Variants in EGF observed in about 807,000 individuals in gnomAD.
EGF encodes epidermal growth factor.
A neutral mutation model predicts 143.8 loss-of-function variants in EGF; 95 were observed. That is an observed-to-expected ratio of 0.66 (90% CI 0.56 to 0.78). The LOEUF is 0.78. EGF is among the 30% of genes least tolerant of loss of function. The probability of loss-of-function intolerance (pLI) is 0.00; values close to 1 mark genes in which losing one functional copy is unlikely to be tolerated. For synonymous variants in EGF, 510 were observed against 510.5 expected, an observed-to-expected ratio of 1.00 and a Z score of 0.01; for missense variants, 1,320 against 1,470.9, an observed-to-expected ratio of 0.90 and a Z score of 1.68.
chr4:110,008,196 A>G lies in EGF; in HGVS notation c.3336A>G (p.Gln1112=), dbSNP rs1013720553. ...ACCAAGACCTCAAGAATGGGGGTCA[A>G]CCAGTGGCTGGTGAGGATGGCCAGG... The part of the protein sequence containing the change: ...KEHQDLKNGG[Q]PVAGEDGQAA... The change falls in exon 23 of 24, where the codon CAA becomes CAG. Residue 1112 remains glutamine (Q), a synonymous_variant. Transcript: ENST00000265171. 9.3e-6 allele frequency: 15 copies of G among 1,613,928 alleles called. No homozygotes were observed. The highest frequency in any genetic ancestry group is 8.5e-6 in the Non-Finnish European group (10 of 1,179,962).
rs11568954 is a variant in EGF at position 109,963,332 on chromosome 4, G to GA, written c.1438+42dup. ...TGTGGTTGTCTGGAACTGTGTCCCTGAAAAAAAATTCATGAAAATCTTTTG... is the reference window on the plus strand; with the variant it reads ...TGTGGTTGTCTGGAACTGTGTCCCTGAAAAAAAAATTCATGAAAATCTTTTG... On this transcript the variant is annotated intron_variant, in intron 9 of 23. Coordinates refer to ENST00000265171, the MANE Select transcript of EGF (RefSeq NM_001963.6). 6.7e-4 allele frequency: 1,074 copies of GA among 1,612,698 alleles called. 7 individuals are homozygous for GA. In the African/African-American group the frequency reaches 0.012, roughly 18 times the overall value.
chr4:109,980,282 T>G, intron 14 of EGF, 143 bp downstream of exon 14: 4 of 869,040 alleles, frequency 4.6e-6, no homozygotes, highest in Admixed American at 3.4e-5. Flanking sequence ...TTTCTAAGAT[T>G]TAAGTTTGTT....
At chr4:110,004,977 A>G (rs1753059775) in intron 22 of EGF, among the ~76,000 whole-genome samples, 1 of 151,334 alleles carries the variant, frequency 6.6e-6, no homozygotes. Context: ...TTAAAAACCC[A>G]AGATTGTGCT....
intron 16 of EGF, among the ~76,000 whole-genome samples, chr4:109,985,882 T>C (rs1750045368): frequency 6.6e-6 from 1 of 152,250 alleles, no homozygotes; most frequent in South Asian, 2.1e-4. Flanking sequence ...TCTCTTCTAG[T>C]GTGATAAGGT....
chr4:109,938,465 C>T (rs937375750), intron 1 of EGF, among the ~76,000 whole-genome samples: 2 of 152,148 alleles, frequency 1.3e-5, no homozygotes, highest in East Asian at 1.9e-4. Flanking sequence ...AGAACATGCT[C>T]CTTTAGCTCG....
At chr4:109,984,898 G>A (rs1400349627) in intron 16 of EGF, among the ~76,000 whole-genome samples, 3 of 152,156 alleles carry the variant, frequency 2.0e-5, no homozygotes, top group Admixed American at 1.3e-4. Context: ...GGCATACACT[G>A]TGCTAAGTGC....
rs183886038 is a variant in EGF, at chr4:109,990,359, T to C, written c.2734+1650T>C. On this transcript the variant is annotated intron_variant, in intron 18 of 23. Coordinates refer to ENST00000265171, the MANE Select transcript of EGF (RefSeq NM_001963.6). Reference sequence around the variant, plus strand: ...AAAAACCACAATGAAAGTTCAGAACTGGGAGAAATATTTGTTTGAGGTATT... The same window carrying C: ...AAAAACCACAATGAAAGTTCAGAACCGGGAGAAATATTTGTTTGAGGTATT... Among the ~76,000 whole-genome samples, 74 of 152,216 alleles carry C rather than the reference T, an allele frequency of 4.9e-4. No individual in the cohort carries two copies. In the East Asian group the frequency reaches 0.013, roughly 27 times the overall value.
chr4:109,997,851 A>C (rs1450427941), intron 20 of EGF, among the ~76,000 whole-genome samples: 5 of 152,190 alleles, frequency 3.3e-5, no homozygotes, highest in Non-Finnish European at 7.3e-5. Flanking sequence ...AGACAGAGTG[A>C]GACCCTGTCC....
intron 18 of EGF, among the ~76,000 whole-genome samples, chr4:109,989,210 G>A (rs1750596735): frequency 6.6e-6 from 1 of 152,208 alleles, no homozygotes; most frequent in South Asian, 2.1e-4. Flanking sequence ...AGCCACTGAC[G>A]TTGAAATACA....
chr4:109,924,902 G>A (rs985450041), intron 1 of EGF, among the ~76,000 whole-genome samples: 2 of 152,118 alleles, frequency 1.3e-5, no homozygotes, highest in East Asian at 1.9e-4. Flanking sequence ...TATTAGCGAC[G>A]AACCTCACAA....
intron 15 of EGF, among the ~76,000 whole-genome samples, chr4:109,981,689 A>T (rs992341676): frequency 3.3e-5 from 5 of 152,178 alleles, no homozygotes; most frequent in Admixed American, 2.6e-4. Flanking sequence ...GTAAAGTAAC[A>T]GATTGATGAA....
At chr4:109,932,466 C>T (rs1184086400) in intron 1 of EGF, among the ~76,000 whole-genome samples, 1 of 148,472 alleles carries the variant, frequency 6.7e-6, no homozygotes. Context: ...GCAAGCTCCA[C>T]CACCCGGGTT....
At chr4:109,916,703 C>T (rs145530289) in intron 1 of EGF, among the ~76,000 whole-genome samples, 1 of 152,102 alleles carries the variant, frequency 6.6e-6, no homozygotes, top group African/African-American at 2.4e-5. Context: ...CAAAACAGAG[C>T]TTGGCATACA....
At chr4:109,943,475 A>C (rs372078351) in intron 3 of EGF, 40 bp downstream of exon 3, 10 of 1,584,034 alleles carry the variant, frequency 6.3e-6, no homozygotes, top group Non-Finnish European at 8.7e-6. Flanking sequence ...TATATTTACA[A>C]ATCTAGTGAA....
At chr4:109,929,578 G>C (rs1411453239) in intron 1 of EGF, among the ~76,000 whole-genome samples, 2 of 152,172 alleles carry the variant, frequency 1.3e-5, no homozygotes, top group Non-Finnish European at 2.9e-5. Context: ...GACCTGGAAA[G>C]TAAGCCTCTT....
intron 1 of EGF, among the ~76,000 whole-genome samples, chr4:109,924,022 T>C (rs1182261111): frequency 6.6e-6 from 1 of 151,714 alleles, no homozygotes; most frequent in Admixed American, 6.6e-5. Context: ...TGTAGGAATT[T>C]ACTACAAGTT....
chr4:109,949,403 T>A (rs535014760), intron 5 of EGF, among the ~76,000 whole-genome samples: 1 of 152,188 alleles, frequency 6.6e-6, no homozygotes, highest in Non-Finnish European at 1.5e-5. Context: ...ATGAGGTTAC[T>A]TAGGGGAAAA....
At chr4:109,974,159 T>C (rs2126097718) in intron 11 of EGF, among the ~76,000 whole-genome samples, 1 of 152,322 alleles carries the variant, frequency 6.6e-6, no homozygotes, top group South Asian at 2.1e-4. Flanking sequence ...TGTGCCATTT[T>C]ATATCAGGGA....
At position 109,969,017 on chromosome 4, in the gene EGF, T is replaced by C; in HGVS notation, c.1622T>C (p.Met541Thr). 2 of 1,614,192 alleles carry C rather than the reference T, an allele frequency of 1.2e-6. No individual in the cohort carries two copies. Among genetic ancestry groups the C allele is most frequent in the South Asian group, 1.1e-5 (1 of 91,078 alleles). ...CTGAAGTGGATAGAGAGAGCTAATATGGATGGTTCCCAGCGAGAAAGGCTT... is the reference window on the plus strand; with the variant it reads ...CTGAAGTGGATAGAGAGAGCTAATACGGATGGTTCCCAGCGAGAAAGGCTT... The part of the protein sequence containing the change: ...TALKWIERAN[M>T]DGSQRERLIE... Residue 541 changes from methionine (M) to threonine (T), a missense_variant, in exon 11 of 24, where the codon ATG becomes ACG. Coordinates refer to ENST00000265171, the MANE Select transcript of EGF (RefSeq NM_001963.6).
Sources: allele counts gnomAD v4.1 joint callset (sites outside exome capture counted in the v4.1 genomes callset), GRCh38; gene constraint gnomAD v4.1.1; transcripts MANE v1.5; gene names NCBI Gene and HGNC (gene_info 2026-07-23, HGNC 2026-07-21).